PTPRN2: variants seen among roughly 807,000 people sequenced by gnomAD.
The protein encoded by PTPRN2 is receptor-type tyrosine-protein phosphatase N2.
PTPRN2 carries 74 observed loss-of-function variants against 118.8 expected under a neutral mutation model. The observed-to-expected ratio is 0.62, with a 90% CI of 0.52 to 0.76. The LOEUF is 0.76. Ranked by LOEUF, PTPRN2 falls within the 30% of genes least tolerant of loss-of-function variation. The probability of loss-of-function intolerance (pLI) is 0.00; values close to 1 mark genes in which losing one functional copy is unlikely to be tolerated. For missense variants in PTPRN2, 1,481 were observed against 1,394.4 expected (o/e 1.06, Z -0.99); for synonymous variants, 641 against 608.0 (o/e 1.05, Z -0.80).
At chr7:157,644,687 C>T (rs1426127233) in intron 14 of PTPRN2, among the ~76,000 whole-genome samples, 6 of 151,784 alleles carry the variant, frequency 4.0e-5, no homozygotes, top group African/African-American at 7.3e-5. Flanking sequence ...TCCAGTTACT[C>T]GGAAGGCTGA....
In PTPRN2 at chr7:157,554,769, G is replaced by A. The variant is rs369006918; in HGVS notation, c.2903-5750C>T. Among the ~76,000 whole-genome samples, 29 of 152,352 alleles carry A rather than the reference G, an allele frequency of 1.9e-4. No homozygotes were observed. In the East Asian group the frequency reaches 2.7e-3, roughly 14 times the overall value. On this transcript the variant is annotated intron_variant, in intron 21 of 22. Transcript: ENST00000389418. The stretch of plus-strand genomic sequence containing the variant: ...GAAAGGAACCTTAACGATGTCTACC[G>A]GGGACAGAGCGTGGGGTCCACGGAG...
rs560181313 is a variant in PTPRN2 at position 157,793,669 on chromosome 7, T to C, written c.1788+105004A>G. Among the ~76,000 whole-genome samples the C allele has an allele frequency of 7.4e-4, 113 of 152,216 alleles. 2 individuals carry two copies. In the South Asian group the frequency reaches 0.022, roughly 29 times the overall value. ...TGGAAAACACGTTGGCTTCTCTGGG[T>C]TTTAAGTGTCCTGTCAGCAGCTCGG... On this transcript the variant is annotated intron_variant, in intron 12 of 22. Transcript: ENST00000389418.
chr7:158,156,064 A>G (rs944439088), intron 6 of PTPRN2, among the ~76,000 whole-genome samples: 1 of 152,162 alleles, frequency 6.6e-6, no homozygotes, highest in Non-Finnish European at 1.5e-5. Context: ...TTCTGCTTCC[A>G]ATATGAGGGG....
At chr7:157,843,964 G>A (rs1243160089) in intron 12 of PTPRN2, among the ~76,000 whole-genome samples, 3 of 152,186 alleles carry the variant, frequency 2.0e-5, no homozygotes, top group African/African-American at 4.8e-5. Context: ...TGCAGGCACC[G>A]GGAGCTCTTC....
chr7:158,278,848 T>C (rs1416964340), intron 3 of PTPRN2, among the ~76,000 whole-genome samples: 1 of 151,524 alleles, frequency 6.6e-6, no homozygotes, highest in African/African-American at 2.4e-5. Context: ...TCCCAGTGGG[T>C]TCGTGGTCTC....
At chr7:158,092,427 T>A (rs141397336) in intron 10 of PTPRN2, among the ~76,000 whole-genome samples, 1 of 151,514 alleles carries the variant, frequency 6.6e-6, no homozygotes, top group Admixed American at 6.6e-5. Flanking sequence ...GCTGGATGGA[T>A]GGGGAGGTAG....
chr7:158,091,877 GGTGA>G (rs796715011), intron 10 of PTPRN2, among the ~76,000 whole-genome samples: 1 of 10,958 alleles, frequency 9.1e-5, no homozygotes, highest in African/African-American at 3.6e-4. Flanking sequence ...TGGGTGGGTG[GGTGA>G]GTGAGGGATA....
intron 11 of PTPRN2, among the ~76,000 whole-genome samples, chr7:158,023,801 T>TGCAGGCACACACAA (rs1045402816): frequency 6.6e-6 from 1 of 152,110 alleles, no homozygotes; most frequent in Non-Finnish European, 1.5e-5. Context: ...TGCACATGCA[T>TGCAGGCACACACAA]GCAGGCACAC....
chr7:158,188,356 G>GCC (rs1825417602), intron 5 of PTPRN2, among the ~76,000 whole-genome samples: 3 of 29,108 alleles, frequency 1.0e-4, no homozygotes, highest in Non-Finnish European at 1.3e-4. Context: ...CGCCACGCTC[G>GCC]CCGCCTGATG....
chr7:158,145,626 G>C (rs1819873813), intron 6 of PTPRN2, among the ~76,000 whole-genome samples: 1 of 152,238 alleles, frequency 6.6e-6, no homozygotes, highest in African/African-American at 2.4e-5. Flanking sequence ...GCCAGGCTTG[G>C]CGTGGAGCTG....
chr7:158,029,849 T>A (rs1227877217), intron 11 of PTPRN2: 2 of 151,766 alleles, frequency 1.3e-5, no homozygotes, highest in African/African-American at 2.4e-5. Flanking sequence ...GTCCTGCCCA[T>A]CCACACAGCA....
At chr7:157,646,844 C>T (rs998520887) in intron 14 of PTPRN2, among the ~76,000 whole-genome samples, 29 of 152,110 alleles carry the variant, frequency 1.9e-4, no homozygotes, top group African/African-American at 6.3e-4. Flanking sequence ...ACCCATCCAG[C>T]GTGCACCGAA....
intron 6 of PTPRN2, among the ~76,000 whole-genome samples, chr7:158,146,464 G>A (rs1026965712): frequency 6.6e-6 from 1 of 152,092 alleles, no homozygotes; most frequent in East Asian, 1.9e-4. Flanking sequence ...GCTCACACCT[G>A]TAATCCCAGC....
chr7:158,155,544 CCAT>C (rs1258977453), intron 6 of PTPRN2, among the ~76,000 whole-genome samples: 1 of 12,818 alleles, frequency 7.8e-5, no homozygotes, highest in African/African-American at 1.4e-4. Context: ...ACTATCATCA[CCAT>C]CAACACCATC....
intron 18 of PTPRN2, among the ~76,000 whole-genome samples, chr7:157,577,114 G>A (rs1167005122): frequency 6.6e-6 from 1 of 152,194 alleles, no homozygotes; most frequent in Non-Finnish European, 1.5e-5. Flanking sequence ...AAAGGAACCA[G>A]AGAAAAATTA....
chr7:157,713,211 C>T (rs1217221971), intron 12 of PTPRN2, among the ~76,000 whole-genome samples: 1 of 53,700 alleles, frequency 1.9e-5, no homozygotes, highest in Non-Finnish European at 3.1e-5. Context: ...CCCTCATCTC[C>T]ATCCACCCCT....
At chr7:158,066,855 G>T (rs1167551405) in intron 11 of PTPRN2, among the ~76,000 whole-genome samples, 1 of 152,158 alleles carries the variant, frequency 6.6e-6, no homozygotes, top group African/African-American at 2.4e-5. Flanking sequence ...GTGGCTGAGG[G>T]CTCTGCAGAG....
intron 17 of PTPRN2, among the ~76,000 whole-genome samples, chr7:157,579,999 C>T (rs1031737673): frequency 4.6e-5 from 7 of 152,226 alleles, no homozygotes; most frequent in Admixed American, 1.3e-4. Flanking sequence ...CCTCAGAATA[C>T]ATCGCAAAAA....
At chr7:157,656,137 G>A (rs1806070877) in intron 14 of PTPRN2, among the ~76,000 whole-genome samples, 1 of 113,004 alleles carries the variant, frequency 8.8e-6, no homozygotes. Context: ...GTTCCAGGCA[G>A]AAGCACGGCA....
Sources: gnomAD v4.1 joint callset for allele counts (sites outside exome capture counted in the v4.1 genomes callset) on GRCh38, gnomAD v4.1.1 for gene constraint, MANE v1.5 for transcripts, NCBI Gene and HGNC (gene_info 2026-07-23, HGNC 2026-07-21) for gene names.